Variants in DACH2 observed in about 807,000 individuals in gnomAD.
The protein encoded by DACH2 is dachshund homolog 2.
DACH2 carries 17 observed loss-of-function variants against 35.8 expected under a neutral mutation model. The observed-to-expected ratio is 0.48, with a 90% CI of 0.33 to 0.71. DACH2 has a LOEUF of 0.71. Ranked by LOEUF, DACH2 falls within the 30% of genes least tolerant of loss-of-function variation. The pLI is 0.02. For synonymous variants in DACH2, 195 were observed against 177.3 expected, an observed-to-expected ratio of 1.10 and a Z score of -0.79; for missense variants, 469 against 472.7, an observed-to-expected ratio of 0.99 and a Z score of 0.07.
chrX:86,775,831 T>C (rs763425320), intron 7 of DACH2, among the ~76,000 whole-genome samples: 32 of 112,280 alleles, frequency 2.9e-4, no homozygotes, highest in Middle Eastern at 9.2e-3. Context: ...AATAAGATCT[T>C]ATCTTGGGCC....
chrX:86,294,755 A>G (rs1332064010), intron 1 of DACH2, among the ~76,000 whole-genome samples: 2 of 110,100 alleles, frequency 1.8e-5, no homozygotes, highest in Non-Finnish European at 3.8e-5. Flanking sequence ...TCAGGGACCC[A>G]CTTGAGGAGG....
chrX:86,707,699 G>C (rs1169295764), intron 5 of DACH2, among the ~76,000 whole-genome samples: 1 of 109,342 alleles, frequency 9.1e-6, no homozygotes, highest in African/African-American at 3.3e-5. Context: ...GGTGGATCAC[G>C]AGGTGAAGAG....
chrX:86,704,471 T>C (rs2041185880), intron 5 of DACH2, among the ~76,000 whole-genome samples: 1 of 111,174 alleles, frequency 9.0e-6, no homozygotes, highest in Admixed American at 9.6e-5. Flanking sequence ...AAAAAAACCT[T>C]CTGCACAGCA....
intron 1 of DACH2, among the ~76,000 whole-genome samples, chrX:86,164,742 G>T (rs2030883255): frequency 9.0e-6 from 1 of 110,796 alleles, no homozygotes; most frequent in Admixed American, 9.6e-5. Flanking sequence ...TCAGGTGGTT[G>T]TAGGTGTGAG....
intron 3 of DACH2, among the ~76,000 whole-genome samples, chrX:86,609,115 C>T (rs780785684): frequency 4.8e-4 from 53 of 111,353 alleles, no homozygotes; most frequent in African/African-American, 1.6e-3. Flanking sequence ...TAGATTTGCC[C>T]TTTTGAGGCT....
chrX:86,679,804 G>T (rs2040860840), intron 4 of DACH2, among the ~76,000 whole-genome samples: 1 of 110,931 alleles, frequency 9.0e-6, no homozygotes, highest in African/African-American at 3.3e-5. Flanking sequence ...TGTGTGGTGT[G>T]CTGGTGCATA....
intron 1 of DACH2, among the ~76,000 whole-genome samples, chrX:86,338,722 C>A (rs1262594582): frequency 1.8e-5 from 2 of 111,411 alleles, no homozygotes; most frequent in East Asian, 5.7e-4. Flanking sequence ...AAGATCAGAG[C>A]AGAACTGAAG....
chrX:86,599,115 C>T (rs2039752394), intron 3 of DACH2, among the ~76,000 whole-genome samples: 1 of 110,934 alleles, frequency 9.0e-6, no homozygotes, highest in Non-Finnish European at 1.9e-5. Context: ...CATCCATGTC[C>T]CTACAAAGGA....
chrX:86,645,980 A>G (rs1378625274), intron 3 of DACH2, among the ~76,000 whole-genome samples: 1 of 111,191 alleles, frequency 9.0e-6, no homozygotes, highest in Admixed American at 9.6e-5. Context: ...ATGTAATAAT[A>G]TGTACAACAA....
At chrX:86,303,060 A>G (rs771071073) in intron 1 of DACH2, among the ~76,000 whole-genome samples, 2 of 103,095 alleles carry the variant, frequency 1.9e-5, no homozygotes, top group Non-Finnish European at 3.9e-5. Context: ...CTCAAATTAT[A>G]CATCTAGTAT....
intron 3 of DACH2, among the ~76,000 whole-genome samples, chrX:86,593,557 G>C (rs978064203): frequency 1.7e-4 from 18 of 109,022 alleles, no homozygotes; most frequent in African/African-American, 6.1e-4. Context: ...CTCCCGAGTA[G>C]CTGGGATTAC....
At chrX:86,465,229 G>C (rs778975463) in intron 2 of DACH2, among the ~76,000 whole-genome samples, 1 of 112,112 alleles carries the variant, frequency 8.9e-6, no homozygotes, top group Non-Finnish European at 1.9e-5. Flanking sequence ...AGAGATTTAC[G>C]TGAATGCTAA....
chrX:86,288,633 T>C (rs139482390), intron 1 of DACH2, among the ~76,000 whole-genome samples: 1,247 of 111,987 alleles, frequency 0.011, 13 homozygotes, highest in African/African-American at 0.039. Context: ...CCTCCCTTTC[T>C]TAAATGCAGA....
intron 3 of DACH2, among the ~76,000 whole-genome samples, chrX:86,637,325 GA>G (rs2040284999): frequency 1.0e-5 from 1 of 100,459 alleles, no homozygotes; most frequent in Non-Finnish European, 2.0e-5. Context: ...AACCATCATG[GA>G]AAACAGTGTG....
chrX:86,386,339 T>G (rs2036122037), intron 2 of DACH2, among the ~76,000 whole-genome samples: 1 of 111,574 alleles, frequency 9.0e-6, no homozygotes, highest in Admixed American at 9.6e-5. Context: ...ATGTAAAGGG[T>G]ATATACTATT....
chrX:86,234,530 C>A (rs1479552348), intron 1 of DACH2, among the ~76,000 whole-genome samples: 1 of 111,076 alleles, frequency 9.0e-6, no homozygotes, highest in South Asian at 3.8e-4. Context: ...CTGTACCTAG[C>A]TTCCCCTATT....
chrX:86,293,586 G>A lies in DACH2; in HGVS notation c.489-83238G>A, dbSNP rs1209328157. On this transcript the variant is annotated intron_variant, in intron 1 of 11. Coordinates refer to ENST00000373125, the MANE Select transcript of DACH2 (RefSeq NM_053281.3). ...CCGGTTGTTCCTTTCCATGTTTAGC[G>A]CTTCCTTCAGGAGCTCTTTTAGGGC... Among the ~76,000 whole-genome samples, 33 of 109,987 alleles carry A rather than the reference G, an allele frequency of 3.0e-4. 2 individuals carry two copies. The highest frequency in any genetic ancestry group is 6.3e-4 in the African/African-American group (19 of 30,200).
chrX:86,276,295 A>T (rs1283449711), intron 1 of DACH2, among the ~76,000 whole-genome samples: 2 of 112,430 alleles, frequency 1.8e-5, no homozygotes, highest in African/African-American at 6.5e-5. Context: ...GATGCTGATC[A>T]CCTTTTCATG....
At chrX:86,435,975 G>A (rs937703100) in intron 2 of DACH2, among the ~76,000 whole-genome samples, 5 of 111,495 alleles carry the variant, frequency 4.5e-5, no homozygotes, top group Non-Finnish European at 9.4e-5. Context: ...ATAATAATTT[G>A]TAGAAGAACT....
Sources: allele counts gnomAD v4.1 joint callset (sites outside exome capture counted in the v4.1 genomes callset), GRCh38; gene constraint gnomAD v4.1.1; transcripts MANE v1.5; gene names NCBI Gene and HGNC (gene_info 2026-07-23, HGNC 2026-07-21).